SLC17A7: variants seen among roughly 807,000 people sequenced by gnomAD.
SLC17A7 encodes the protein solute carrier family 17 member 7.
A neutral mutation model predicts 59.1 loss-of-function variants in SLC17A7; 15 were observed. The observed-to-expected ratio is 0.25, with a 90% CI of 0.17 to 0.39. The LOEUF (loss-of-function observed/expected upper bound fraction) is 0.39. Among genes scored for constraint, SLC17A7 ranks in the 10% least tolerant of loss-of-function variants. The pLI is 1.00. For synonymous variants in SLC17A7, 353 were observed against 308.9 expected (o/e 1.14, Z -1.50); for missense variants, 499 against 765.1 (o/e 0.65, Z 4.10).
intron 8 of SLC17A7, 37 bp downstream of exon 8, chr19:49,432,774 C>A (rs1260950938): frequency 6.9e-6 from 11 of 1,588,084 alleles, no homozygotes; most frequent in Non-Finnish European, 9.4e-6. Context: ...CCCGCCGACC[C>A]CTCCGCGCCC....
At position 49,433,723 on chromosome 19, in the gene SLC17A7, G is replaced by C; in HGVS notation, c.867+3C>G. The C allele has an allele frequency of 6.2e-7, 1 of 1,614,134 alleles. No individual in the cohort carries two copies. The highest frequency in any genetic ancestry group is 8.5e-7 in the Non-Finnish European group (1 of 1,180,012). ...CCCCTTCCCCGAAGATTTGGTCCCG[G>C]ACCGTGAGGGGGTTCATGAGTTTCG... On this transcript the variant is annotated splice_donor_region_variant and intron_variant, in intron 7 of 11. Coordinates refer to ENST00000221485, the MANE Select transcript of SLC17A7 (RefSeq NM_020309.4). The surrounding 1 kb of genome is among the most constrained non-coding windows in gnomAD (Gnocchi z 5.7).
chr19:49,430,873 G>A lies in SLC17A7; in HGVS notation c.1390-61C>T, dbSNP rs544694523. ...GACAGAGAAACAGAGGCGGAGAGAG[G>A]GGGAGGCCTAGAGGAAGGGAGGCAG... On this transcript the variant is annotated intron_variant, in intron 11 of 11. Coordinates refer to ENST00000221485, the MANE Select transcript of SLC17A7 (RefSeq NM_020309.4). 2.5e-5 allele frequency: 39 copies of A among 1,563,116 alleles called. No homozygotes were observed. The East Asian group carries it at 3.4e-4, about 14-fold the overall frequency.
rs1029555043 is a variant in SLC17A7 at position 49,436,216 on chromosome 19, G to A, written c.315+333C>T. Reference sequence around the variant, plus strand: ...GATGTGACCCGGGGACATGAGCTTGGGGTACAGGCGTGAGCAAAATTGCTA... The same window carrying A: ...GATGTGACCCGGGGACATGAGCTTGAGGTACAGGCGTGAGCAAAATTGCTA... On this transcript the variant is annotated intron_variant, in intron 2 of 11. Coordinates refer to ENST00000221485, the MANE Select transcript of SLC17A7 (RefSeq NM_020309.4). This position sits in a 1 kb window ranked among gnomAD's most constrained non-coding sequence, Gnocchi z 4.1. 1 of 350,598 alleles carries A rather than the reference G, an allele frequency of 2.9e-6. No individual in the cohort carries two copies. Among genetic ancestry groups the A allele is most frequent in the Non-Finnish European group, 5.3e-6 (1 of 187,800 alleles). The allele number at this position is 350,598 out of a possible 1,614,324, so 21.7% of individuals were successfully genotyped here. A position where few individuals can be genotyped will look rare whatever the true frequency, so the allele number is the denominator to read the frequency against.
At position 49,433,350 on chromosome 19, in the gene SLC17A7, C is replaced by T. The variant is rs1600985011; in HGVS notation, c.867+376G>A. Reference sequence around the variant, plus strand: ...GCTCAAGCGATCCTGCAGCCTCCACCCCCAAAGTGTTGGGATTGCAGGCGG... The same window carrying T: ...GCTCAAGCGATCCTGCAGCCTCCACTCCCAAAGTGTTGGGATTGCAGGCGG... On this transcript the variant is annotated intron_variant, in intron 7 of 11. Coordinates refer to ENST00000221485, the MANE Select transcript of SLC17A7 (RefSeq NM_020309.4). This position sits in a 1 kb window ranked among gnomAD's most constrained non-coding sequence, Gnocchi z 5.7. 1 of 434,274 alleles carries T rather than the reference C, an allele frequency of 2.3e-6. No homozygotes were observed. The highest frequency in any genetic ancestry group is 5.1e-5 in the East Asian group (1 of 19,760). 26.9% of individuals were successfully genotyped at this position (434,274 alleles called of 1,614,324 possible). A position where few individuals can be genotyped will look rare whatever the true frequency, so the allele number is the denominator to read the frequency against.
In SLC17A7 at chr19:49,432,561, T is replaced by G. The variant is rs746755140; in HGVS notation, c.1108A>C (p.Ile370Leu). Residue 370 changes from isoleucine to leucine, a missense_variant, in exon 9 of 12, where the codon ATC (isoleucine) becomes CTC (leucine). Around this residue, in one of 3 missense-constraint regions of SLC17A7, gnomAD observed 323 missense variants for 607.2 expected, o/e 0.53. Transcript: ENST00000221485. ...TTGCGCACGTTGGTGGTGGACATGA[T>G]GCGGCGGCTCCGCAGGAAGTCCGCG... ...QIADFLRSRRIMSTTNVRKLM... is the reference protein window; with the variant it reads ...QIADFLRSRRLMSTTNVRKLM... 1.2e-6 allele frequency: 2 copies of G among 1,611,538 alleles called. No homozygotes were observed. The highest frequency in any genetic ancestry group is 2.7e-5 in the African/African-American group (2 of 74,926).
rs1241981515 is a variant in SLC17A7, at chr19:49,431,477, C to T, written c.1151-29G>A. 1.9e-6 allele frequency: 3 copies of T among 1,593,568 alleles called. No homozygotes were observed. Among genetic ancestry groups the T allele is most frequent in the Non-Finnish European group, 1.7e-6 (2 of 1,163,604 alleles). ...CGGGGGCGGGGGGGGCCCGCGTCTC[C>T]TGAGTGTCGGCCGGAGCAAGGCGCA... On this transcript the variant is annotated intron_variant, in intron 9 of 11. Transcript: ENST00000221485. The surrounding 1 kb of genome is among the most constrained non-coding windows in gnomAD (Gnocchi z 4.6).
At chr19:49,435,452 C>G in intron 2 of SLC17A7, 166 bp from the exon 3 acceptor site, 4 of 604,518 alleles carry the variant, frequency 6.6e-6, no homozygotes, top group Non-Finnish European at 1.2e-5. Flanking sequence ...CAATTAAAGT[C>G]TACAAACTCC....
Position 49,441,462 on chromosome 19 carries a change from T to G in SLC17A7, c.-83A>C, listed in dbSNP as rs1455417871. 9.5e-6 allele frequency: 10 copies of G among 1,055,962 alleles called. No individual in the cohort carries two copies. Among genetic ancestry groups the G allele is most frequent in the East Asian group, 5.9e-5 (1 of 17,034 alleles). 65.4% of individuals were successfully genotyped at this position (1,055,962 alleles called of 1,614,324 possible). A position where few individuals can be genotyped will look rare whatever the true frequency, so the allele number is the denominator to read the frequency against. ...GCGGGCCCGGGCGGCCGCGTCCGGGTTCCCGGGGTCCAGCCCCGGCCCGGC... is the reference window on the plus strand; with the variant it reads ...GCGGGCCCGGGCGGCCGCGTCCGGGGTCCCGGGGTCCAGCCCCGGCCCGGC... On this transcript the variant is annotated 5_prime_UTR_variant, in exon 1 of 12. Coordinates refer to ENST00000221485, the MANE Select transcript of SLC17A7 (RefSeq NM_020309.4).
Position 49,436,464 on chromosome 19 carries a change from T to C in SLC17A7, c.315+85A>G, listed in dbSNP as rs1357381205. ...TCGGAAGGGGCGTGGCCTGGACGTCTGGTGGGTGAGTGTGACGTCATGGGG... is the reference window on the plus strand; with the variant it reads ...TCGGAAGGGGCGTGGCCTGGACGTCCGGTGGGTGAGTGTGACGTCATGGGG... On this transcript the variant is annotated intron_variant, in intron 2 of 11. Transcript: ENST00000221485. The surrounding 1 kb of genome is among the most constrained non-coding windows in gnomAD (Gnocchi z 4.1). The C allele has an allele frequency of 3.3e-6, 5 of 1,533,986 alleles. No homozygotes were observed. Among genetic ancestry groups the C allele is most frequent in the East Asian group, 4.5e-5 (2 of 44,250 alleles).
At position 49,431,875 on chromosome 19, in the gene SLC17A7, G is replaced by A. The variant is rs2078961991; in HGVS notation, c.1151-427C>T. Among the ~76,000 whole-genome samples the A allele has an allele frequency of 2.0e-5, 3 of 152,074 alleles. No individual in the cohort carries two copies. In the South Asian group the frequency reaches 6.2e-4, roughly 31 times the overall value. On this transcript the variant is annotated intron_variant, in intron 9 of 11. Coordinates refer to ENST00000221485, the MANE Select transcript of SLC17A7 (RefSeq NM_020309.4). This position sits in a 1 kb window ranked among gnomAD's most constrained non-coding sequence, Gnocchi z 4.6. ...GCTGGTCTCAAACTCCTGAGCTCAA[G>A]TGATCCACCGGCCTTCGCCTCCGAA...
chr19:49,433,277 A>C lies in SLC17A7; in HGVS notation c.868-317T>G, dbSNP rs184687495. The stretch of plus-strand genomic sequence containing the variant: ...ACTTTTTGTATTTTGTATTTTGAGT[A>C]GAGACGGGGGTTTCGCCATGTTGCC... On this transcript the variant is annotated intron_variant, in intron 7 of 11. Coordinates refer to ENST00000221485, the MANE Select transcript of SLC17A7 (RefSeq NM_020309.4). This position sits in a 1 kb window ranked among gnomAD's most constrained non-coding sequence, Gnocchi z 5.7. The C allele has an allele frequency of 1.6e-3, 650 of 406,446 alleles. 8 individuals carry two copies. The highest frequency in any genetic ancestry group is 0.013 in the African/African-American group (603 of 48,174). 25.2% of individuals were successfully genotyped at this position (406,446 alleles called of 1,614,324 possible).
At chr19:49,434,742 C>T in intron 4 of SLC17A7, 26 bp downstream of exon 4, 1 of 1,614,046 alleles carries the variant, frequency 6.2e-7, no homozygotes, top group Non-Finnish European at 8.5e-7. Context: ...CGAGCGAGGG[C>T]AGGGTCATAT....
chr19:49,440,512 C>T lies in SLC17A7; in HGVS notation c.62+806G>A, dbSNP rs117955847. On this transcript the variant is annotated intron_variant, in intron 1 of 11. Transcript: ENST00000221485. Reference sequence around the variant, plus strand: ...CTGGTTGGGAGGGAGTCCCTGTCAGCCCCAGCCTGTATCCTTTGGGAAGGC... The same window carrying T: ...CTGGTTGGGAGGGAGTCCCTGTCAGTCCCAGCCTGTATCCTTTGGGAAGGC... 3.3e-5 allele frequency among the ~76,000 whole-genome samples: 5 copies of T among 152,254 alleles called. No individual in the cohort carries two copies. The East Asian group carries it at 9.6e-4, about 29-fold the overall frequency.
In SLC17A7 at chr19:49,431,239, G is replaced by C; in HGVS notation, c.1262-97C>G. The stretch of plus-strand genomic sequence containing the variant: ...ACCCTCTCCCCTCCCCGCCACTCAT[G>C]TTCCACCTTTTGTGAGGCTGAGAGG... On this transcript the variant is annotated intron_variant, in intron 10 of 11. Transcript: ENST00000221485. The surrounding 1 kb of genome is among the most constrained non-coding windows in gnomAD (Gnocchi z 4.6). 1 of 1,580,114 alleles carries C rather than the reference G, an allele frequency of 6.3e-7. No individual in the cohort carries two copies. The highest frequency in any genetic ancestry group is 8.6e-7 in the Non-Finnish European group (1 of 1,157,928).
chr19:49,439,434 C>G lies in SLC17A7; in HGVS notation c.62+1884G>C, dbSNP rs534208615. ...GTTCTCATCTCTCTGGCATCCCATT[C>G]CCCCATGTCCTTGTTCCAAGTCACC... is the stretch of plus-strand genomic sequence containing the variant. On this transcript the variant is annotated intron_variant, in intron 1 of 11. Transcript: ENST00000221485. Among the ~76,000 whole-genome samples the G allele has an allele frequency of 2.6e-5, 4 of 152,248 alleles. No homozygotes were observed. In the East Asian group the frequency reaches 7.7e-4, roughly 29 times the overall value.
At position 49,434,708 on chromosome 19, in the gene SLC17A7, A is replaced by C. The variant is rs1411721272; in HGVS notation, c.550-19T>G. Reference sequence around the variant, plus strand: ...TGACCCCCTAAAGAGGAGAAAACCAAGGTCACTGAGAAGAGGCAGGGTCCG... The same window carrying C: ...TGACCCCCTAAAGAGGAGAAAACCACGGTCACTGAGAAGAGGCAGGGTCCG... On this transcript the variant is annotated intron_variant, in intron 4 of 11. Coordinates refer to ENST00000221485, the MANE Select transcript of SLC17A7 (RefSeq NM_020309.4). 6.2e-7 allele frequency: 1 copy of C among 1,614,040 alleles called. No individual in the cohort carries two copies. Among genetic ancestry groups the C allele is most frequent in the Admixed American group, 1.7e-5 (1 of 60,008 alleles).
At chr19:49,435,374 C>T in intron 2 of SLC17A7, 88 bp from the exon 3 acceptor site, 3 of 880,292 alleles carry the variant, frequency 3.4e-6, no homozygotes, top group Non-Finnish European at 5.5e-6. Flanking sequence ...GCGTCTCGAC[C>T]TATCAGCAAC....
In SLC17A7 at chr19:49,432,792, C is replaced by G; in HGVS notation, c.1017+19G>C. The G allele has an allele frequency of 6.3e-7, 1 of 1,588,082 alleles. No individual in the cohort carries two copies. On this transcript the variant is annotated intron_variant, in intron 8 of 11. Coordinates refer to ENST00000221485, the MANE Select transcript of SLC17A7 (RefSeq NM_020309.4). ...GCCGACCCCTCCGCGCCCCCCTGCC[C>G]TCTCCTCCTGGGCTCTACCTTGCTG...
In SLC17A7 at chr19:49,431,200, C is replaced by A; in HGVS notation, c.1262-58G>T. 6.3e-7 allele frequency: 1 copy of A among 1,577,702 alleles called. No individual in the cohort carries two copies. On this transcript the variant is annotated intron_variant, in intron 10 of 11. Transcript: ENST00000221485. This position sits in a 1 kb window ranked among gnomAD's most constrained non-coding sequence, Gnocchi z 4.6. ...CGGAATCTCACTCGAGTGATTCCCA[C>A]TGGGACGTTCTCAACCCTCTCCCCT...
Sources: allele counts gnomAD v4.1 joint callset (sites outside exome capture counted in the v4.1 genomes callset), GRCh38; gene constraint gnomAD v4.1.1; regional missense constraint gnomAD v4.1.1; non-coding constraint Gnocchi (gnomAD v3.1); transcripts MANE v1.5; gene names NCBI Gene and HGNC (gene_info 2026-07-23, HGNC 2026-07-21).